RPL18: variants seen among roughly 807,000 people sequenced by gnomAD.
RPL18 encodes large ribosomal subunit protein eL18.
In RPL18, 4 loss-of-function variants were observed where a neutral mutation model predicts 25.0. The observed-to-expected ratio is 0.16, with a 90% CI of 0.08 to 0.37. The LOEUF is 0.37. Ranked by LOEUF, RPL18 falls within the 10% of genes least tolerant of loss-of-function variation. The pLI is 1.00. For missense variants in RPL18, 179 were observed against 267.9 expected (o/e 0.67, Z 2.32); for synonymous variants, 129 against 101.6 (o/e 1.27, Z -1.62).
chr19:48,618,770 C>G (rs1171733062), intron 1 of RPL18: 1 of 301,094 alleles, frequency 3.3e-6, no homozygotes. Flanking sequence ...TCACCCGCCG[C>G]GGCCCCCATC....
chr19:48,615,447 T>C lies in RPL18; in HGVS notation c.492A>G (p.Lys164=). 2 of 1,610,072 alleles carry C rather than the reference T, an allele frequency of 1.2e-6. No homozygotes were observed. Among genetic ancestry groups the C allele is most frequent in the East Asian group, 2.2e-5 (1 of 44,708 alleles). Residue 164 remains lysine, a splice_region_variant and synonymous_variant, in exon 7 of 7, where the codon AAA becomes AAG. Coordinates refer to ENST00000549920, the MANE Select transcript of RPL18 (RefSeq NM_000979.4). ...KAPGTPHSHT[K]PYVRSKGRKF... is the part of the protein sequence containing the mutation. Reference sequence around the variant, plus strand: ...TCCGGCCCTTGGAGCGGACGTAGGGTCTGTGGGGAGAGGAGGGAGTGAGAG... The same window carrying C: ...TCCGGCCCTTGGAGCGGACGTAGGGCCTGTGGGGAGAGGAGGGAGTGAGAG...
intron 1 of RPL18, chr19:48,618,785 C>T (rs996922224): frequency 9.4e-6 from 3 of 318,932 alleles, no homozygotes; most frequent in African/African-American, 6.5e-5. Flanking sequence ...CCCATCGAAC[C>T]CGACTTTTCA....
chr19:48,616,912 C>T, intron 3 of RPL18, 88 bp from the exon 4 acceptor site: 3 of 969,292 alleles, frequency 3.1e-6, no homozygotes, highest in East Asian at 2.4e-5. Flanking sequence ...GGCAGCTGTG[C>T]CCTCTAACGG....
At chr19:48,618,741 T>C in intron 1 of RPL18, 1 of 255,222 alleles carries the variant, frequency 3.9e-6, no homozygotes, top group Non-Finnish European at 7.7e-6. Context: ...CAAATCCAGT[T>C]ATTCGGCTCT....
intron 3 of RPL18, chr19:48,617,079 C>A (rs968919072): frequency 5.7e-6 from 4 of 703,510 alleles, no homozygotes; most frequent in Non-Finnish European, 1.0e-5. Context: ...GGGGCAATCT[C>A]CTGAAGCCAC....
At chr19:48,617,997 C>G (rs1468222725) in intron 1 of RPL18, 120 bp from the exon 2 acceptor site, 2 of 706,870 alleles carry the variant, frequency 2.8e-6, no homozygotes, top group African/African-American at 3.5e-5. Context: ...GCTCAAATCC[C>G]AGGCCCACCA....
intron 2 of RPL18, 83 bp from the exon 3 acceptor site, chr19:48,617,506 C>T (rs768422618): frequency 2.6e-5 from 27 of 1,035,032 alleles, no homozygotes; most frequent in Non-Finnish European, 3.7e-5. Context: ...ACATGATGAT[C>T]TGGACTAAAA....
chr19:48,617,122 G>A, intron 3 of RPL18, 194 bp downstream of exon 3: 1 of 715,310 alleles, frequency 1.4e-6, no homozygotes, highest in Non-Finnish European at 2.6e-6. Context: ...GAGAAGGAGA[G>A]GAGGACCAGG....
chr19:48,617,695 G>A, intron 2 of RPL18, 96 bp downstream of exon 2: 1 of 944,270 alleles, frequency 1.1e-6, no homozygotes, highest in Non-Finnish European at 1.7e-6. Context: ...CTGCTCTGCA[G>A]GCCCCTGGGA....
intron 1 of RPL18, chr19:48,618,171 T>A: frequency 3.7e-6 from 1 of 271,312 alleles, no homozygotes; most frequent in East Asian, 8.9e-5. Flanking sequence ...AACAATGTTA[T>A]CAAAACTGGT....
At position 48,616,732 on chromosome 19, in the gene RPL18, T is replaced by C; in HGVS notation, c.291A>G (p.Lys97=). The C allele has an allele frequency of 6.2e-7, 1 of 1,610,806 alleles. No homozygotes were observed. The highest frequency in any genetic ancestry group is 8.5e-7 in the Non-Finnish European group (1 of 1,177,204). Residue 97 remains lysine (K), a synonymous_variant, in exon 4 of 7, where the codon AAA becomes AAG. Transcript: ENST00000549920. ...TDDVRVQEVP[K]LKVCALRVTS... ...CCAGCCCCCGCCAGCTCACCTTCAG[T>C]TTGGGTACCTCCTGAACCCGCACAT...
intron 1 of RPL18, 199 bp downstream of exon 1, chr19:48,618,942 G>A: frequency 1.7e-6 from 1 of 596,136 alleles, no homozygotes; most frequent in South Asian, 2.0e-5. Context: ...ACCTCCACTT[G>A]GTCATCTACT....
At chr19:48,617,021 T>C (rs759083373) in intron 3 of RPL18, 197 bp from the exon 4 acceptor site, 10 of 702,104 alleles carry the variant, frequency 1.4e-5, no homozygotes, top group Middle Eastern at 2.3e-4. Flanking sequence ...GACTGTTCAA[T>C]AGGGCCTCCC....
At chr19:48,619,098 G>A in intron 1 of RPL18, 43 bp downstream of exon 1, 1 of 1,591,398 alleles carries the variant, frequency 6.3e-7, no homozygotes, top group Non-Finnish European at 8.5e-7. Flanking sequence ...CACGGCGGAT[G>A]GCAGCGGATT....
At chr19:48,618,697 A>C (rs896580830) in intron 1 of RPL18, 2 of 212,676 alleles carry the variant, frequency 9.4e-6, no homozygotes, top group Non-Finnish European at 1.9e-5. Context: ...ACAAGGTGGG[A>C]AGGGGCCTGA....
In RPL18 at chr19:48,617,839, C is replaced by T. The variant is rs190658371; in HGVS notation, c.42G>A (p.Arg14=). The change falls in exon 2 of 7, where the codon CGG becomes CGA. Residue 14 remains arginine (R), a synonymous_variant. Transcript: ENST00000549920. ...DIRHNKDRKV[R]RKEPKSQDIY... ...TATCCTGGCTCTTGGGCTCCTTGCG[C>T]CGAACCTTTCGGTCCTTGTTATGGC... 8 of 1,614,092 alleles carry T rather than the reference C, an allele frequency of 5.0e-6. No homozygotes were observed. The African/African-American group carries it at 8.0e-5, about 16-fold the overall frequency.
intron 2 of RPL18, 152 bp from the exon 3 acceptor site, chr19:48,617,575 C>T: frequency 4.2e-6 from 3 of 712,178 alleles, no homozygotes; most frequent in Non-Finnish European, 7.1e-6. Flanking sequence ...GGCCCAGGTC[C>T]TTCCTGGCCA....
At chr19:48,616,285 C>A (rs1974169053) in intron 4 of RPL18, 83 bp from the exon 5 acceptor site, 1 of 1,553,708 alleles carries the variant, frequency 6.4e-7, no homozygotes. Flanking sequence ...ACTGCCTTGG[C>A]GCAGCAGAGC....
intron 6 of RPL18, 140 bp downstream of exon 6, chr19:48,615,737 G>A (rs1208501588): frequency 1.3e-6 from 1 of 759,804 alleles, no homozygotes; most frequent in Non-Finnish European, 2.2e-6. Context: ...GGGAAAAGCA[G>A]GCAGGATGAG....
Sources: allele counts gnomAD v4.1 joint callset, GRCh38; gene constraint gnomAD v4.1.1; transcripts MANE v1.5; gene names NCBI Gene and HGNC (gene_info 2026-07-23, HGNC 2026-07-21).